PHACTR2: variants seen among roughly 807,000 people sequenced by gnomAD.
The protein encoded by PHACTR2 is phosphatase and actin regulator 2.
PHACTR2 carries 30 observed loss-of-function variants against 76.0 expected under a neutral mutation model. The observed-to-expected ratio is 0.39, with a 90% CI of 0.30 to 0.54. The LOEUF is 0.54. PHACTR2 is among the 20% of genes least tolerant of loss of function. The pLI, the probability that PHACTR2 is intolerant of heterozygous loss-of-function variation, is 0.61. For synonymous variants in PHACTR2, 292 were observed against 292.5 expected, an observed-to-expected ratio of 1.00 and a Z score of 0.02; for missense variants, 696 against 781.1, an observed-to-expected ratio of 0.89 and a Z score of 1.30.
At chr6:143,699,939 C>A (rs536972390) in intron 1 of PHACTR2, among the ~76,000 whole-genome samples, 2 of 152,202 alleles carry the variant, frequency 1.3e-5, no homozygotes, top group African/African-American at 4.8e-5. Flanking sequence ...GATCTCCCAG[C>A]ATCCTGTTTT....
At position 143,641,776 on chromosome 6, in the gene PHACTR2, G is replaced by A. The variant is rs1312681935; in HGVS notation, c.13+33454G>A. ...TGGCCTCAGCCTCCGAAAGTGCTGG[G>A]ATTACAGGTATGAGCCACCGCACCC... On this transcript the variant is annotated intron_variant, in intron 1 of 11. Coordinates refer to the PHACTR2 transcript ENST00000305766. This position sits in a 1 kb window ranked among gnomAD's most constrained non-coding sequence, Gnocchi z 5.8. 6.6e-6 allele frequency among the ~76,000 whole-genome samples: 1 copy of A among 152,104 alleles called. No homozygotes were observed. The highest frequency in any genetic ancestry group is 6.6e-5 in the Admixed American group (1 of 15,262).
At chr6:143,704,793 C>T (rs1778007832) in intron 1 of PHACTR2, among the ~76,000 whole-genome samples, 1 of 152,104 alleles carries the variant, frequency 6.6e-6, no homozygotes, top group Non-Finnish European at 1.5e-5. Flanking sequence ...GACAGTTTCT[C>T]AGACCTTCCT....
At chr6:143,716,892 C>G (rs972795295) in intron 2 of PHACTR2, among the ~76,000 whole-genome samples, 2 of 152,140 alleles carry the variant, frequency 1.3e-5, no homozygotes, top group East Asian at 1.9e-4. Context: ...ATGTGTGGAT[C>G]TGGGGACATA....
Position 143,684,569 on chromosome 6 carries a change from CTT to C in PHACTR2, c.46+6362_46+6363del, listed in dbSNP as rs1419315763. ...GATTTGTGTGTTTTATTTTGATAGACTTTGCTACATTATTCTCAAAGAGGCTT... is the reference window on the plus strand; with the variant it reads ...GATTTGTGTGTTTTATTTTGATAGACTGCTACATTATTCTCAAAGAGGCTT... On this transcript the variant is annotated intron_variant, in intron 1 of 12. Coordinates refer to ENST00000440869, the MANE Select transcript of PHACTR2 (RefSeq NM_001100164.2). This position sits in a 1 kb window ranked among gnomAD's most constrained non-coding sequence, Gnocchi z 4.3. 1.3e-5 allele frequency among the ~76,000 whole-genome samples: 2 copies of C among 152,214 alleles called. No homozygotes were observed. The highest frequency in any genetic ancestry group is 2.4e-5 in the African/African-American group (1 of 41,444).
At chr6:143,790,382 A>G (rs565429544) in intron 11 of PHACTR2, among the ~76,000 whole-genome samples, 43 of 152,180 alleles carry the variant, frequency 2.8e-4, no homozygotes, top group African/African-American at 1.0e-3. Context: ...GGGAAAAATC[A>G]CTGGAGTAGC....
At chr6:143,758,590 A>G (rs1261286333) in intron 4 of PHACTR2, among the ~76,000 whole-genome samples, 1 of 152,234 alleles carries the variant, frequency 6.6e-6, no homozygotes, top group Non-Finnish European at 1.5e-5. Context: ...GGCCATTACT[A>G]TTAGTATACA....
chr6:143,543,410 A>T lies in PHACTR2; in HGVS notation c.217+6203A>T, dbSNP rs1781189397. ...GCAAAGACATCCCTCAGGAACTCAC[A>T]GTTTAGTGGGGAAAGACAGGCCAAT... is the stretch of plus-strand genomic sequence containing the variant. On this transcript the variant is annotated intron_variant, in intron 1 of 11. Transcript: ENST00000367584. This position sits in a 1 kb window ranked among gnomAD's most constrained non-coding sequence, Gnocchi z 4.7. Among the ~76,000 whole-genome samples the T allele has an allele frequency of 1.3e-5, 2 of 152,214 alleles. No homozygotes were observed. The highest frequency in any genetic ancestry group is 4.8e-5 in the African/African-American group (2 of 41,460).
At position 143,688,173 on chromosome 6, in the gene PHACTR2, G is replaced by A. The variant is rs959046758; in HGVS notation, c.46+9964G>A. Among the ~76,000 whole-genome samples the A allele has an allele frequency of 1.8e-5, 2 of 113,122 alleles. No homozygotes were observed. The highest frequency in any genetic ancestry group is 3.8e-5 in the African/African-American group (1 of 26,202). 74.2% of individuals were successfully genotyped at this position (113,122 alleles called of 152,430 possible). A position where few individuals can be genotyped will look rare whatever the true frequency, so the allele number is the denominator to read the frequency against. ...AAAGCCACAGGCAATGGGAACCACT[G>A]ACGCTTTTTTTTTTTTAAATCAAAC... On this transcript the variant is annotated intron_variant, in intron 1 of 12. Transcript: ENST00000440869. This position sits in a 1 kb window ranked among gnomAD's most constrained non-coding sequence, Gnocchi z 5.2.
At chr6:143,582,886 A>G (rs1167125146) in intron 1 of PHACTR2, among the ~76,000 whole-genome samples, 1 of 152,210 alleles carries the variant, frequency 6.6e-6, no homozygotes, top group Non-Finnish European at 1.5e-5. Flanking sequence ...CCAAGATTTT[A>G]TTGAGGGATT....
At position 143,641,963 on chromosome 6, in the gene PHACTR2, C is replaced by T. The variant is rs1164324347; in HGVS notation, c.13+33641C>T. On this transcript the variant is annotated intron_variant, in intron 1 of 11. Coordinates refer to the PHACTR2 transcript ENST00000305766. The surrounding 1 kb of genome is among the most constrained non-coding windows in gnomAD (Gnocchi z 5.8). ...ATATTTATGCATCTAACTAGGTAAT[C>T]GTGTTTGTCCCACTCATGCATGGCC... Among the ~76,000 whole-genome samples the T allele has an allele frequency of 1.3e-5, 2 of 152,114 alleles. No individual in the cohort carries two copies. The highest frequency in any genetic ancestry group is 2.4e-5 in the African/African-American group (1 of 41,416).
chr6:143,547,990 A>G lies in PHACTR2; in HGVS notation c.217+10783A>G, dbSNP rs1020760374. 6.6e-6 allele frequency among the ~76,000 whole-genome samples: 1 copy of G among 152,056 alleles called. No individual in the cohort carries two copies. Among genetic ancestry groups the G allele is most frequent in the Non-Finnish European group, 1.5e-5 (1 of 68,016 alleles). On this transcript the variant is annotated intron_variant, in intron 1 of 11. Transcript: ENST00000367584. This position sits in a 1 kb window ranked among gnomAD's most constrained non-coding sequence, Gnocchi z 4.2. ...ATCATCATCATCATGTGTATCATCT[A>G]TCTATCTTATTTTGGCCTACTATAA...
intron 1 of PHACTR2, among the ~76,000 whole-genome samples, chr6:143,704,760 G>A (rs935802975): frequency 4.6e-5 from 7 of 152,118 alleles, no homozygotes; most frequent in Non-Finnish European, 1.0e-4. Flanking sequence ...TAGCAGTGGT[G>A]TCTCCTTAGG....
At chr6:143,582,076 G>T (rs1323021722) in intron 1 of PHACTR2, among the ~76,000 whole-genome samples, 9 of 152,106 alleles carry the variant, frequency 5.9e-5, no homozygotes, top group Admixed American at 5.9e-4. Context: ...CATAACCATA[G>T]TCCACACCCT....
Position 143,787,662 on chromosome 6 carries a change from C to T in PHACTR2, c.1708-1111C>T, listed in dbSNP as rs1775585445. Among the ~76,000 whole-genome samples the T allele has an allele frequency of 6.6e-6, 1 of 152,126 alleles. No homozygotes were observed. The highest frequency in any genetic ancestry group is 1.5e-5 in the Non-Finnish European group (1 of 68,034). On this transcript the variant is annotated intron_variant, in intron 10 of 12. Coordinates refer to ENST00000440869, the MANE Select transcript of PHACTR2 (RefSeq NM_001100164.2). This position sits in a 1 kb window ranked among gnomAD's most constrained non-coding sequence, Gnocchi z 4.6. ...GTGTTGTGGCTTATGCCTGTAACCCCAGCACTTTGGGAGGCTGAGATGGGA... is the reference window on the plus strand; with the variant it reads ...GTGTTGTGGCTTATGCCTGTAACCCTAGCACTTTGGGAGGCTGAGATGGGA...
At chr6:143,778,552 G>C (rs533144047) in intron 9 of PHACTR2, among the ~76,000 whole-genome samples, 1 of 152,140 alleles carries the variant, frequency 6.6e-6, no homozygotes, top group East Asian at 1.9e-4. Context: ...AGCCAATTTG[G>C]AGGAGGAAAA....
rs1207368715 is a variant in PHACTR2, at chr6:143,698,668, A to G, written c.47-13348A>G. 6.6e-6 allele frequency among the ~76,000 whole-genome samples: 1 copy of G among 152,152 alleles called. No homozygotes were observed. Among genetic ancestry groups the G allele is most frequent in the Non-Finnish European group, 1.5e-5 (1 of 68,030 alleles). ...GGGTCCCCCACATTTCCTACTCACT[A>G]CACACTGCAGGTCTACGTTTGGGTG... On this transcript the variant is annotated intron_variant, in intron 1 of 12. Transcript: ENST00000440869. The surrounding 1 kb of genome is among the most constrained non-coding windows in gnomAD (Gnocchi z 4.3).
rs773208373 is a variant in PHACTR2, at chr6:143,818,974, G to T, written c.1923-4700G>T. On this transcript the variant is annotated intron_variant, in intron 12 of 12. Coordinates refer to ENST00000440869, the MANE Select transcript of PHACTR2 (RefSeq NM_001100164.2). This position sits in a 1 kb window ranked among gnomAD's most constrained non-coding sequence, Gnocchi z 4.9. ...CCATATTTTGCTTCAGGTTGTGGTT[G>T]ACTCTTCCTAGAAAACATTTTGGAA... Among the ~76,000 whole-genome samples the T allele has an allele frequency of 6.6e-6, 1 of 152,186 alleles. No homozygotes were observed. The highest frequency in any genetic ancestry group is 1.5e-5 in the Non-Finnish European group (1 of 68,036).
chr6:143,567,679 G>A (rs1333500757), intron 1 of PHACTR2, among the ~76,000 whole-genome samples: 1 of 152,222 alleles, frequency 6.6e-6, no homozygotes, highest in Non-Finnish European at 1.5e-5. Context: ...GATTACAGGC[G>A]TGAGCCACCG....
intron 1 of PHACTR2, among the ~76,000 whole-genome samples, chr6:143,551,346 T>C (rs1455604540): frequency 6.6e-6 from 1 of 152,204 alleles, no homozygotes; most frequent in African/African-American, 2.4e-5. Flanking sequence ...CTAATAATTA[T>C]AATGTAAGAA....
Sources: allele counts gnomAD v4.1 joint callset (sites outside exome capture counted in the v4.1 genomes callset), GRCh38; gene constraint gnomAD v4.1.1; non-coding constraint Gnocchi (gnomAD v3.1); transcripts MANE v1.5; gene names NCBI Gene and HGNC (gene_info 2026-07-23, HGNC 2026-07-21).